Variants in SPATS2L observed in about 807,000 individuals in gnomAD.
SPATS2L encodes the protein spermatogenesis associated serine rich 2 like, also known as SPATS2-like protein.
SPATS2L carries 30 observed loss-of-function variants against 59.6 expected under a neutral mutation model. The ratio of observed to expected loss-of-function variants is 0.50; its 90% CI spans 0.38 to 0.68. SPATS2L has a LOEUF of 0.68. Among genes scored for constraint, SPATS2L ranks in the 30% least tolerant of loss-of-function variants. The pLI is 0.00. For missense variants in SPATS2L, 615 were observed against 700.0 expected, an observed-to-expected ratio of 0.88 and a Z score of 1.37; for synonymous variants, 252 against 263.5, an observed-to-expected ratio of 0.96 and a Z score of 0.42.
chr2:200,442,780 T>C (rs915580554), intron 8 of SPATS2L, among the ~76,000 whole-genome samples: 5 of 152,172 alleles, frequency 3.3e-5, no homozygotes, highest in African/African-American at 9.6e-5. Context: ...CTGTGAGAGT[T>C]TTACTCCTCA....
intron 1 of SPATS2L, among the ~76,000 whole-genome samples, chr2:200,307,366 G>C (rs1427266554): frequency 1.3e-5 from 2 of 151,806 alleles, no homozygotes; most frequent in Non-Finnish European, 2.9e-5. Context: ...CTCTGGCCCG[G>C]AGCCGCAAAG....
In SPATS2L at chr2:200,418,178, G is replaced by A. The variant is rs556506473; in HGVS notation, c.199-1072G>A. Among the ~76,000 whole-genome samples, 144 of 152,268 alleles carry A rather than the reference G, an allele frequency of 9.5e-4. 1 individual carries two copies. Among genetic ancestry groups the A allele is most frequent in the African/African-American group, 3.3e-3 (139 of 41,540 alleles). On this transcript the variant is annotated intron_variant, in intron 5 of 12. Coordinates refer to ENST00000409140, the MANE Select transcript of SPATS2L (RefSeq NM_001100423.2). Reference sequence around the variant, plus strand: ...AAATAAAATGAAGCCTTGTAATGCTGTTCAGCTAGCAGCCGAGAGGTCCAG... The same window carrying A: ...AAATAAAATGAAGCCTTGTAATGCTATTCAGCTAGCAGCCGAGAGGTCCAG...
intron 2 of SPATS2L, among the ~76,000 whole-genome samples, chr2:200,338,550 A>G (rs1288372295): frequency 1.3e-5 from 2 of 152,212 alleles, no homozygotes; most frequent in Non-Finnish European, 2.9e-5. Flanking sequence ...GAACAACCTG[A>G]AAGCCCAGTG....
rs2081907036 is a variant in SPATS2L, at chr2:200,383,916, C to G, written c.-22-5307C>G. On this transcript the variant is annotated intron_variant, in intron 2 of 12. Transcript: ENST00000409140. ...AAGAACAGGAAAGTAAACCTAAGAG[C>G]ATTAATGGGTTTCAGAGAAACGAAA... 6.0e-6 allele frequency: 6 copies of G among 1,001,152 alleles called. No homozygotes were observed. In the South Asian group the frequency reaches 2.8e-4, roughly 47 times the overall value. The allele number at this position is 1,001,152 out of a possible 1,614,324, so 62.0% of individuals were successfully genotyped here.
chr2:200,359,255 A>G (rs1157972069), intron 2 of SPATS2L, among the ~76,000 whole-genome samples: 1 of 152,104 alleles, frequency 6.6e-6, no homozygotes, highest in Admixed American at 6.6e-5. Context: ...GTTCAGTTTC[A>G]TACTTTCTTC....
At chr2:200,382,848 A>T (rs2081868513) in intron 2 of SPATS2L, among the ~76,000 whole-genome samples, 1 of 152,198 alleles carries the variant, frequency 6.6e-6, no homozygotes, top group Non-Finnish European at 1.5e-5. Context: ...TGTGCTAATT[A>T]TTATTAATAA....
At chr2:200,410,321 A>G (rs1009308311) in intron 3 of SPATS2L, among the ~76,000 whole-genome samples, 4 of 152,092 alleles carry the variant, frequency 2.6e-5, no homozygotes, top group Admixed American at 6.6e-5. Flanking sequence ...ACATTCTGTT[A>G]ATGACCTTCC....
At chr2:200,438,561 G>A (rs1393567787) in intron 6 of SPATS2L, among the ~76,000 whole-genome samples, 2 of 152,150 alleles carry the variant, frequency 1.3e-5, no homozygotes, top group African/African-American at 2.4e-5. Context: ...GAGATATTAT[G>A]ATGATGTTTT....
rs5837744 is a variant in SPATS2L, at chr2:200,480,338, C to CTT, written c.*2323_*2324dup. The CTT allele has an allele frequency of 0.062, 6,845 of 109,760 alleles. 973 individuals are homozygous for CTT. Among genetic ancestry groups the CTT allele is most frequent in the African/African-American group, 0.13 (3,537 of 27,042 alleles). 6.8% of individuals were successfully genotyped at this position (109,760 alleles called of 1,614,324 possible). ...ATCACATTTTTTCCAATATTTTTTCCTTTTTTTTTTTTTTTTTGAGACAGG... is the reference window on the plus strand; with the variant it reads ...ATCACATTTTTTCCAATATTTTTTCCTTTTTTTTTTTTTTTTTTTGAGACAGG... On this transcript the variant is annotated 3_prime_UTR_variant, in exon 13 of 13. Coordinates refer to ENST00000409140, the MANE Select transcript of SPATS2L (RefSeq NM_001100423.2).
intron 1 of SPATS2L, among the ~76,000 whole-genome samples, chr2:200,321,432 A>G (rs751898462): frequency 2.0e-5 from 3 of 152,212 alleles, no homozygotes; most frequent in Non-Finnish European, 2.9e-5. Flanking sequence ...AGTACATAGC[A>G]TGGTTCTTGG....
At chr2:200,454,382 T>C (rs1444714985) in intron 8 of SPATS2L, among the ~76,000 whole-genome samples, 1 of 152,216 alleles carries the variant, frequency 6.6e-6, no homozygotes, top group Non-Finnish European at 1.5e-5. Context: ...AGCTTCCAAA[T>C]GAATCAATTT....
chr2:200,445,754 A>G (rs903819114), intron 8 of SPATS2L, among the ~76,000 whole-genome samples: 11 of 82,926 alleles, frequency 1.3e-4, no homozygotes, highest in Non-Finnish European at 2.7e-4. Flanking sequence ...GATTCTTGCC[A>G]TGTTGATTGG....
At chr2:200,389,977 C>G (rs1362110701) in intron 3 of SPATS2L, 4 of 152,184 alleles carry the variant, frequency 2.6e-5, no homozygotes, top group East Asian at 1.9e-4. Flanking sequence ...TTTGTCCAAC[C>G]CATTTGTCTG....
intron 2 of SPATS2L, among the ~76,000 whole-genome samples, chr2:200,330,344 A>G (rs1401729328): frequency 2.6e-5 from 4 of 151,734 alleles, no homozygotes; most frequent in African/African-American, 9.7e-5. Context: ...TTCTTTTTCC[A>G]TAAATGTAAA....
At chr2:200,362,709 G>A (rs1328099183) in intron 2 of SPATS2L, among the ~76,000 whole-genome samples, 1 of 152,200 alleles carries the variant, frequency 6.6e-6, no homozygotes, top group Non-Finnish European at 1.5e-5. Context: ...TGCTTTGCCT[G>A]TGGCTTTGTA....
At chr2:200,362,941 A>G (rs1259137062) in intron 2 of SPATS2L, among the ~76,000 whole-genome samples, 2 of 152,214 alleles carry the variant, frequency 1.3e-5, no homozygotes, top group East Asian at 3.9e-4. Flanking sequence ...ATATTTTGCT[A>G]CTGTACAATT....
intron 2 of SPATS2L, among the ~76,000 whole-genome samples, chr2:200,338,874 A>C (rs746869947): frequency 6.6e-6 from 1 of 152,214 alleles, no homozygotes; most frequent in Non-Finnish European, 1.5e-5. Context: ...CCAGATGACC[A>C]AAAGAGGGTG....
intron 8 of SPATS2L, among the ~76,000 whole-genome samples, chr2:200,451,303 G>T (rs928426128): frequency 4.0e-5 from 6 of 151,706 alleles, no homozygotes; most frequent in Non-Finnish European, 8.8e-5. Context: ...CCCCAACCTG[G>T]GCAACAGAGC....
intron 2 of SPATS2L, among the ~76,000 whole-genome samples, chr2:200,367,420 T>C (rs1285111305): frequency 1.3e-5 from 2 of 152,158 alleles, no homozygotes; most frequent in Non-Finnish European, 2.9e-5. Flanking sequence ...CAAAGACAAA[T>C]GGATTTGTTG....
Sources: allele counts gnomAD v4.1 joint callset (sites outside exome capture counted in the v4.1 genomes callset), GRCh38; gene constraint gnomAD v4.1.1; transcripts MANE v1.5; gene names NCBI Gene and HGNC (gene_info 2026-07-23, HGNC 2026-07-21).